HNF1A: variants seen among roughly 807,000 people sequenced by gnomAD.
HNF1A encodes the protein HNF1 homeobox A, also known as hepatocyte nuclear factor 1-alpha.
Under a neutral mutation model 62.2 loss-of-function variants are expected in HNF1A, and 21 were observed. That is an observed-to-expected ratio of 0.34 (90% CI 0.24 to 0.49). HNF1A has a LOEUF of 0.49. Ranked by LOEUF, HNF1A falls within the 20% of genes least tolerant of loss-of-function variation. The pLI is 0.99. For synonymous variants in HNF1A, 374 were observed against 366.8 expected, an observed-to-expected ratio of 1.02 and a Z score of -0.22; for missense variants, 687 against 832.3, an observed-to-expected ratio of 0.83 and a Z score of 2.15.
chr12:120,983,916 C>CTGTGTGTG (rs61680384), intron 1 of HNF1A, among the ~76,000 whole-genome samples: 3,312 of 137,322 alleles, frequency 0.024, 85 homozygotes, highest in African/African-American at 0.06. Context: ...CTTGAAGACT[C>CTGTGTGTG]TGTGTGTGTG....
chr12:120,994,994 T>A (rs965719164), intron 4 of HNF1A, among the ~76,000 whole-genome samples: 1 of 142,364 alleles, frequency 7.0e-6, no homozygotes, highest in Non-Finnish European at 1.5e-5. Flanking sequence ...CTCCACTCCA[T>A]CCACTGTACT....
At position 121,001,341 on chromosome 12, in the gene HNF1A, CAGAA is replaced by C; in HGVS notation, c.*152_*155del. ...CGCTCCCCACTCTGCTCTGATGCAT[CAGAA>C]AGGGAGGGCTCTGAGGCGCCCCAAC... On this transcript the variant is annotated 3_prime_UTR_variant, in exon 10 of 10. Coordinates refer to ENST00000257555, the MANE Select transcript of HNF1A (RefSeq NM_000545.8). 2 of 1,019,044 alleles carry C rather than the reference CAGAA, an allele frequency of 2.0e-6. No homozygotes were observed. The highest frequency in any genetic ancestry group is 2.1e-5 in the Admixed American group (1 of 46,650). The allele number at this position is 1,019,044 out of a possible 1,614,324, so 63.1% of individuals were successfully genotyped here. A position where few individuals can be genotyped will look rare whatever the true frequency, so the allele number is the denominator to read the frequency against.
chr12:120,988,897 C>T lies in HNF1A; in HGVS notation c.391C>T (p.Arg131Trp), dbSNP rs137853244. The T allele has an allele frequency of 1.9e-6, 3 of 1,614,218 alleles. No homozygotes were observed. Among genetic ancestry groups the T allele is most frequent in the African/African-American group, 1.3e-5 (1 of 75,048 alleles). Residue 131 changes from arginine to tryptophan, a missense_variant, in exon 2 of 10, where the codon CGG (arginine) becomes TGG (tryptophan). Arg to Trp is a moderately radical substitution (Grantham distance 101). Coordinates refer to ENST00000257555, the MANE Select transcript of HNF1A (RefSeq NM_000545.8). ...SYLQQHNIPQ[R>W]EVVDTTGLNQ... ...CCTGCAGCAGCACAACATCCCACAG[C>T]GGGAGGTGGTCGATACCACTGGCCT...
Position 120,988,914 on chromosome 12 carries a change from C to A in HNF1A, c.408C>A (p.Thr136=), listed in dbSNP as rs376387471. The A allele has an allele frequency of 6.2e-7, 1 of 1,614,224 alleles. No homozygotes were observed. The highest frequency in any genetic ancestry group is 8.5e-7 in the Non-Finnish European group (1 of 1,180,032). ...TCCCACAGCGGGAGGTGGTCGATAC[C>A]ACTGGCCTCAACCAGTCCCACCTGT... ...HNIPQREVVD[T]TGLNQSHLSQ... Residue 136 remains threonine (T), a synonymous_variant, in exon 2 of 10, where the codon ACC becomes ACA. Coordinates refer to ENST00000257555, the MANE Select transcript of HNF1A (RefSeq NM_000545.8).
chr12:120,998,130 A>T (rs1318032617), intron 7 of HNF1A: 6 of 311,576 alleles, frequency 1.9e-5, no homozygotes, highest in Admixed American at 1.7e-4. Context: ...AAGTACAAAA[A>T]TTAGCCAGGC....
intron 7 of HNF1A, among the ~76,000 whole-genome samples, chr12:120,999,064 G>A (rs2135850107): frequency 6.6e-6 from 1 of 152,310 alleles, no homozygotes; most frequent in East Asian, 1.9e-4. Flanking sequence ...TGCATCAAGC[G>A]CAGCTGAGCA....
intron 2 of HNF1A, among the ~76,000 whole-genome samples, chr12:120,991,002 T>C (rs1046464087): frequency 2.6e-5 from 4 of 152,224 alleles, no homozygotes; most frequent in Non-Finnish European, 4.4e-5. Context: ...CACTGAGAGA[T>C]TGATGGATCT....
intron 7 of HNF1A, among the ~76,000 whole-genome samples, chr12:120,998,695 G>A (rs1877246321): frequency 6.6e-6 from 1 of 152,164 alleles, no homozygotes; most frequent in Non-Finnish European, 1.5e-5. Context: ...TGTCTCCTGA[G>A]GGGTGGGTGG....
At chr12:120,995,754 C>G (rs1877065295) in intron 4 of HNF1A, among the ~76,000 whole-genome samples, 1 of 152,026 alleles carries the variant, frequency 6.6e-6, no homozygotes, top group African/African-American at 2.4e-5. Context: ...CACTCTATTC[C>G]TCCCCACCCG....
chr12:121,000,906 G>GTC, intron 9 of HNF1A, 159 bp from the exon 10 acceptor site: 1 of 1,031,226 alleles, frequency 9.7e-7, no homozygotes, highest in Non-Finnish European at 1.5e-6. Flanking sequence ...GGCTCCCTTT[G>GTC]AAGAACCGAG....
intron 1 of HNF1A, among the ~76,000 whole-genome samples, chr12:120,982,179 C>T (rs965456548): frequency 6.6e-6 from 1 of 152,198 alleles, no homozygotes; most frequent in Non-Finnish European, 1.5e-5. Flanking sequence ...ACGCCATTCT[C>T]CTGCCTCAGC....
rs1012229716 is a variant in HNF1A at position 120,999,409 on chromosome 12, G to A, written c.1623+20G>A. 1.2e-6 allele frequency: 2 copies of A among 1,613,644 alleles called. No homozygotes were observed. Among genetic ancestry groups the A allele is most frequent in the Admixed American group, 3.3e-5 (2 of 59,978 alleles). On this transcript the variant is annotated intron_variant, in intron 8 of 9. Coordinates refer to ENST00000257555, the MANE Select transcript of HNF1A (RefSeq NM_000545.8). ...AAGCAGGTAAGGTCCAGGCCTGCTGGCCCTCCCTTGGCCTGTGACAGAGCC... is the reference window on the plus strand; with the variant it reads ...AAGCAGGTAAGGTCCAGGCCTGCTGACCCTCCCTTGGCCTGTGACAGAGCC...
In HNF1A at chr12:121,001,885, T is replaced by A. The variant is rs970242788; in HGVS notation, c.*693T>A. The stretch of plus-strand genomic sequence containing the variant: ...CAGCGATTCCCTCTCCCAGGCCCCA[T>A]GACCTCCAGCTTTCCTGTATTTGTT... On this transcript the variant is annotated 3_prime_UTR_variant, in exon 10 of 10. Coordinates refer to ENST00000257555, the MANE Select transcript of HNF1A (RefSeq NM_000545.8). The A allele has an allele frequency of 1.2e-5, 6 of 514,300 alleles. No homozygotes were observed. Among genetic ancestry groups the A allele is most frequent in the Non-Finnish European group, 2.3e-5 (6 of 264,708 alleles). The allele number at this position is 514,300 out of a possible 1,614,324, so 31.9% of individuals were successfully genotyped here. A position where few individuals can be genotyped will look rare whatever the true frequency, so the allele number is the denominator to read the frequency against.
In HNF1A at chr12:120,997,615, T is replaced by C; in HGVS notation, c.1451T>C (p.Val484Ala). Residue 484 changes from valine to alanine, a missense_variant, in exon 7 of 10, where the codon GTG becomes GCG. This residue lies in a region of HNF1A where 408 missense variants were observed against 455.3 expected (regional missense o/e 0.90). Transcript: ENST00000257555. ...QPLMPPVQSH[V>A]TQSPFMATMA... ...CTCATGCCACCTGTGCAGAGCCATGTGACCCAGAGCCCCTTCATGGCCACC... is the reference window on the plus strand; with the variant it reads ...CTCATGCCACCTGTGCAGAGCCATGCGACCCAGAGCCCCTTCATGGCCACC... The C allele has an allele frequency of 5.6e-6, 9 of 1,613,692 alleles. No individual in the cohort carries two copies. The highest frequency in any genetic ancestry group is 7.6e-6 in the Non-Finnish European group (9 of 1,179,884).
At chr12:120,990,205 G>GATCTCGGCTC (rs1412715938) in intron 2 of HNF1A, among the ~76,000 whole-genome samples, 19 of 152,160 alleles carry the variant, frequency 1.2e-4, no homozygotes, top group African/African-American at 4.6e-4. Flanking sequence ...GCAGTGGCGT[G>GATCTCGGCTC]ATCTCGGCTC....
chr12:120,989,750 G>A (rs1876719426), intron 2 of HNF1A, among the ~76,000 whole-genome samples: 1 of 152,220 alleles, frequency 6.6e-6, no homozygotes, highest in African/African-American at 2.4e-5. Context: ...TCAGGGTGCT[G>A]AGCTGACTGT....
Position 121,001,108 on chromosome 12 carries a change from C to G in HNF1A, c.1812C>G (p.Ser604Arg), listed in dbSNP as rs777855166. ...TGCTGTACCAGAGCTCAGACTCCAG[C>G]AATGGCCAGAGCCACCTGCTGCCAT... ...SLVLYQSSDS[S>R]NGQSHLLPSN... Residue 604 changes from serine (S) to arginine (R), a missense_variant, in exon 10 of 10, where the codon AGC becomes AGG. By Grantham distance (110) the Ser-to-Arg change is moderately radical (BLOSUM62 -1). Transcript: ENST00000257555. 1 of 1,613,878 alleles carries G rather than the reference C, an allele frequency of 6.2e-7. No individual in the cohort carries two copies. The highest frequency in any genetic ancestry group is 1.3e-5 in the African/African-American group (1 of 74,934).
chr12:120,988,777 C>T, intron 1 of HNF1A, 56 bp from the exon 2 acceptor site: 1 of 1,554,286 alleles, frequency 6.4e-7, no homozygotes, highest in Non-Finnish European at 8.8e-7. Context: ...ACCGCAGCCC[C>T]ACCTATGGGG....
rs957375352 is a variant in HNF1A, at chr12:120,996,087, G to A, written c.956-175G>A. ...AGTCCCAGCCTTCAAGGAACTGGGA[G>A]CAGCTGACCCAGGGCTTGGCAAAAG... On this transcript the variant is annotated intron_variant, in intron 4 of 9. Coordinates refer to ENST00000257555, the MANE Select transcript of HNF1A (RefSeq NM_000545.8). This position sits in a 1 kb window ranked among gnomAD's most constrained non-coding sequence, Gnocchi z 4.5. Among the ~76,000 whole-genome samples the A allele has an allele frequency of 2.6e-5, 4 of 152,226 alleles. No homozygotes were observed. The highest frequency in any genetic ancestry group is 9.6e-5 in the African/African-American group (4 of 41,458).
Sources: allele counts gnomAD v4.1 joint callset (sites outside exome capture counted in the v4.1 genomes callset), GRCh38; gene constraint gnomAD v4.1.1; regional missense constraint gnomAD v4.1.1; non-coding constraint Gnocchi (gnomAD v3.1); transcripts MANE v1.5; gene names NCBI Gene and HGNC (gene_info 2026-07-23, HGNC 2026-07-21).